The following HSF4 variants were observed in gnomAD, a reference collection of about 807,000 sequenced individuals.
HSF4 encodes heat shock factor protein 4.
In HSF4, 41 loss-of-function variants were observed where a neutral mutation model predicts 52.0. The ratio of observed to expected loss-of-function variants is 0.79; its 90% CI spans 0.61 to 1.02. The LOEUF (loss-of-function observed/expected upper bound fraction) is 1.02, where lower values mean the gene tolerates loss of function less well. HSF4 is among the 50% of genes least tolerant of loss of function. HSF4 has a pLI of 0.00. For missense variants in HSF4, 610 were observed against 651.1 expected, an observed-to-expected ratio of 0.94 and a Z score of 0.69; for synonymous variants, 285 against 273.0, an observed-to-expected ratio of 1.04 and a Z score of -0.43.
rs1457397168 is a variant in HSF4, at chr16:67,169,622, T to C, written c.1325-9T>C. Reference sequence around the variant, plus strand: ...TTTCCCCTGGTGAGCGCAGTCCCACTTCTCCTAGGGAAGGACCCCACGCTC... The same window carrying C: ...TTTCCCCTGGTGAGCGCAGTCCCACCTCTCCTAGGGAAGGACCCCACGCTC... On this transcript the variant is annotated splice_polypyrimidine_tract_variant and intron_variant, in intron 12 of 12. Coordinates refer to ENST00000521374, the MANE Select transcript of HSF4 (RefSeq NM_001374675.1). This position sits in a 1 kb window ranked among gnomAD's most constrained non-coding sequence, Gnocchi z 4.3. 2 of 1,605,522 alleles carry C rather than the reference T, an allele frequency of 1.2e-6. No individual in the cohort carries two copies. Among genetic ancestry groups the C allele is most frequent in the African/African-American group, 2.7e-5 (2 of 74,910 alleles).
In HSF4 at chr16:67,169,548, GA is replaced by G; in HGVS notation, c.1325-81del. The G allele has an allele frequency of 6.3e-7, 1 of 1,598,682 alleles. No individual in the cohort carries two copies. The highest frequency in any genetic ancestry group is 8.5e-7 in the Non-Finnish European group (1 of 1,179,470). On this transcript the variant is annotated intron_variant, in intron 12 of 12. Coordinates refer to ENST00000521374, the MANE Select transcript of HSF4 (RefSeq NM_001374675.1). The surrounding 1 kb of genome is among the most constrained non-coding windows in gnomAD (Gnocchi z 4.3). ...ATGGATGTTTTATCCTAACTGAGCA[GA>G]AGGCAGGCGGGCAGGGCTCTCCTTC...
Position 67,167,989 on chromosome 16 carries a change from C to T in HSF4, c.1082+42C>T, listed in dbSNP as rs368586052. On this transcript the variant is annotated intron_variant, in intron 9 of 12. Transcript: ENST00000521374. ...CTGGCCCATGAGCCCTGTGATAGAA[C>T]AGCCCTTACCAGCCCACAAAGCTTC... is the stretch of plus-strand genomic sequence containing the variant. The T allele has an allele frequency of 2.4e-5, 34 of 1,405,980 alleles. No individual in the cohort carries two copies. The Middle Eastern group carries it at 5.2e-4, about 22-fold the overall frequency. The allele number at this position is 1,405,980 out of a possible 1,614,324, so 87.1% of individuals were successfully genotyped here. A position where few individuals can be genotyped will look rare whatever the true frequency, so the allele number is the denominator to read the frequency against.
chr16:67,169,879 C>A lies in HSF4; in HGVS notation c.*94C>A. 7.3e-7 allele frequency: 1 copy of A among 1,369,948 alleles called. No homozygotes were observed. The highest frequency in any genetic ancestry group is 1.2e-5 in the South Asian group (1 of 86,200). The allele number at this position is 1,369,948 out of a possible 1,614,324, so 84.9% of individuals were successfully genotyped here. On this transcript the variant is annotated 3_prime_UTR_variant, in exon 13 of 13. Transcript: ENST00000521374. This position sits in a 1 kb window ranked among gnomAD's most constrained non-coding sequence, Gnocchi z 4.3. ...CCCTATCGGGGGTGAGCGAAGCCCC[C>A]ACTACTAAATGGCCTCTCTCCACTA... is the stretch of plus-strand genomic sequence containing the variant.
chr16:67,168,147 C>T (rs147280729), intron 9 of HSF4, among the ~76,000 whole-genome samples, 200 bp downstream of exon 9: 15 of 152,320 alleles, frequency 9.8e-5, no homozygotes, highest in African/African-American at 3.1e-4. Context: ...GAAATGAGTT[C>T]CCTGGGGTGA....
At chr16:67,166,429 C>A in intron 5 of HSF4, 34 bp downstream of exon 5, 1 of 1,592,566 alleles carries the variant, frequency 6.3e-7, no homozygotes, top group South Asian at 1.1e-5. Context: ...TTCTCCCTCC[C>A]ACTCCTCGAC....
upstream of HSF4, chr16:67,164,240 G>A (rs2031072942): frequency 2.3e-6 from 1 of 436,800 alleles, no homozygotes; most frequent in Non-Finnish European, 4.4e-6. Context: ...GCGGGGTACC[G>A]GAGGAGCCAT....
rs763080172 is a variant in HSF4 at position 67,168,794 on chromosome 16, T to C, written c.1083-37T>C. The stretch of plus-strand genomic sequence containing the variant: ...GGTTCCTTGGGAACTTAATGCGGGG[T>C]GGACACTGCAGGCCAAAAGCAGTTC... On this transcript the variant is annotated intron_variant, in intron 9 of 12. Transcript: ENST00000521374. 3 of 1,504,410 alleles carry C rather than the reference T, an allele frequency of 2.0e-6. No homozygotes were observed. In the South Asian group the frequency reaches 3.4e-5, roughly 17 times the overall value. The allele number at this position is 1,504,410 out of a possible 1,614,324, so 93.2% of individuals were successfully genotyped here.
intron 9 of HSF4, 92 bp from the exon 10 acceptor site, chr16:67,168,739 G>T (rs2145926553): frequency 1.1e-6 from 1 of 942,548 alleles, no homozygotes; most frequent in South Asian, 1.3e-5. Flanking sequence ...ATTTTCTAAA[G>T]ATTGGGGGAT....
intron 5 of HSF4, 42 bp from the exon 6 acceptor site, chr16:67,166,516 G>A (rs754860432): frequency 7.5e-6 from 12 of 1,609,200 alleles, no homozygotes; most frequent in Admixed American, 1.7e-5. Context: ...GGGTGGGGGG[G>A]CTGTGTCCAA....
Position 67,165,345 on chromosome 16 carries a change from C to A in HSF4, c.124-177C>A, listed in dbSNP as rs1597237515. 5 of 648,328 alleles carry A rather than the reference C, an allele frequency of 7.7e-6. No homozygotes were observed. In the East Asian group the frequency reaches 8.2e-5, roughly 11 times the overall value. 40.2% of individuals were successfully genotyped at this position (648,328 alleles called of 1,614,324 possible). ...AGGGACTCACTGTGGTCGCTCCAGG[C>A]TAGGCCTCGGAGCCCGTTCTGGCCT... On this transcript the variant is annotated intron_variant, in intron 1 of 12. Transcript: ENST00000521374. This position sits in a 1 kb window ranked among gnomAD's most constrained non-coding sequence, Gnocchi z 6.9.
In HSF4 at chr16:67,169,813, AC is replaced by A. The variant is rs756298250; in HGVS notation, c.*30del. On this transcript the variant is annotated 3_prime_UTR_variant, in exon 13 of 13. Transcript: ENST00000521374. This position sits in a 1 kb window ranked among gnomAD's most constrained non-coding sequence, Gnocchi z 4.3. The stretch of plus-strand genomic sequence containing the variant: ...CCCCGCGCCTCTGAAGGGGCTTGGA[AC>A]CAGTCCGCCGCTGCACATCCTTCTT... The A allele has an allele frequency of 2.5e-6, 4 of 1,612,506 alleles. No homozygotes were observed. The highest frequency in any genetic ancestry group is 3.4e-6 in the Non-Finnish European group (4 of 1,179,794).
upstream of HSF4, chr16:67,164,495 G>C (rs1171360941): frequency 1.4e-5 from 8 of 583,028 alleles, no homozygotes; most frequent in South Asian, 9.1e-5. Context: ...GTAGAACAAA[G>C]AAGGAAATAG....
upstream of HSF4, chr16:67,164,026 A>C: frequency 2.7e-6 from 2 of 752,444 alleles, no homozygotes; most frequent in Non-Finnish European, 2.3e-6. Context: ...CAGACGCCCC[A>C]CCCGCTCGGT....
Position 67,166,577 on chromosome 16 carries a change from G to C in HSF4, c.581G>C (p.Gly194Ala). The C allele has an allele frequency of 6.2e-7, 1 of 1,613,828 alleles. No homozygotes were observed. Residue 194 changes from glycine to alanine, a missense_variant, in exon 6 of 13, where the codon GGG becomes GCG. By Grantham distance (60) the Gly-to-Ala change is moderately conservative. Transcript: ENST00000521374. The stretch of plus-strand genomic sequence containing the variant: ...CTTCAGCTGATCCAGTGTCTCTTTG[G>C]GCCACTTCAGGCGGGGCCGAGCAAT... ...VIGKLIQCLF[G>A]PLQAGPSNAG...
Position 67,166,334 on chromosome 16 carries a change from T to G in HSF4, c.500T>G (p.Leu167Trp), listed in dbSNP as rs1276756349. ...LRELRQQNEILWREVVTLRQS... is the reference protein window; with the variant it reads ...LRELRQQNEIWWREVVTLRQS... ...CCCTTCCTCAGGCAGAACGAGATCTTGTGGCGGGAGGTGGTGACACTTCGG... is the reference window on the plus strand; with the variant it reads ...CCCTTCCTCAGGCAGAACGAGATCTGGTGGCGGGAGGTGGTGACACTTCGG... Residue 167 changes from leucine (L) to tryptophan (W), a missense_variant, in exon 5 of 13, where the codon TTG (leucine) becomes TGG (tryptophan). Leu to Trp is a moderately conservative substitution (Grantham distance 61). Transcript: ENST00000521374. 1 of 1,608,904 alleles carries G rather than the reference T, an allele frequency of 6.2e-7. No homozygotes were observed. The highest frequency in any genetic ancestry group is 8.5e-7 in the Non-Finnish European group (1 of 1,177,662).
In HSF4 at chr16:67,165,744, C is replaced by G; in HGVS notation, c.258C>G (p.Ile86Met). Residue 86 changes from isoleucine to methionine, a missense_variant, in exon 3 of 13, where the codon ATC (isoleucine) becomes ATG (methionine). Ile to Met is a conservative substitution (Grantham distance 10). Transcript: ENST00000521374. This position sits in a 1 kb window ranked among gnomAD's most constrained non-coding sequence, Gnocchi z 6.9. Reference sequence around the variant, plus strand: ...ACGGTTTTCGGAAGGTGGTGAGCATCGAGCAGGGCGGCCTGCTTAGGCCGG... The same window carrying G: ...ACGGTTTTCGGAAGGTGGTGAGCATGGAGCAGGGCGGCCTGCTTAGGCCGG... ...NMYGFRKVVS[I>M]EQGGLLRPER... The G allele has an allele frequency of 6.2e-7, 1 of 1,611,684 alleles. No individual in the cohort carries two copies. The highest frequency in any genetic ancestry group is 8.5e-7 in the Non-Finnish European group (1 of 1,179,790).
upstream of HSF4, chr16:67,164,452 C>T (rs1343948331): frequency 2.0e-6 from 1 of 508,680 alleles, no homozygotes; most frequent in African/African-American, 1.9e-5. Context: ...ACTTGCCCAG[C>T]CCACACCAGG....
At position 67,166,330 on chromosome 16, in the gene HSF4, A is replaced by G. The variant is rs1016736139; in HGVS notation, c.496A>G (p.Ile166Val). Reference protein sequence around the residue: ...RLRELRQQNEILWREVVTLRQ... With the variant: ...RLRELRQQNEVLWREVVTLRQ... ...CCACCCCTTCCTCAGGCAGAACGAG[A>G]TCTTGTGGCGGGAGGTGGTGACACT... Residue 166 changes from isoleucine (I) to valine (V), a missense_variant, in exon 5 of 13, where the codon ATC becomes GTC. Ile to Val is a conservative substitution (Grantham distance 29). Transcript: ENST00000521374. 23 of 1,612,486 alleles carry G rather than the reference A, an allele frequency of 1.4e-5. No individual in the cohort carries two copies. Among genetic ancestry groups the G allele is most frequent in the Non-Finnish European group, 1.9e-5 (22 of 1,179,340 alleles).
In HSF4 at chr16:67,169,185, C is replaced by T; in HGVS notation, c.1254+84C>T. ...CATAGCTGTTCTCTGTGAGCCAAAG[C>T]CGTGTCTCTAGAAGAATTGTCACAG... is the stretch of plus-strand genomic sequence containing the variant. On this transcript the variant is annotated intron_variant, in intron 11 of 12. Coordinates refer to ENST00000521374, the MANE Select transcript of HSF4 (RefSeq NM_001374675.1). This position sits in a 1 kb window ranked among gnomAD's most constrained non-coding sequence, Gnocchi z 4.3. 3 of 1,605,540 alleles carry T rather than the reference C, an allele frequency of 1.9e-6. No homozygotes were observed. In the South Asian group the frequency reaches 3.3e-5, roughly 18 times the overall value.
Sources: allele counts gnomAD v4.1 joint callset (sites outside exome capture counted in the v4.1 genomes callset), GRCh38; gene constraint gnomAD v4.1.1; non-coding constraint Gnocchi (gnomAD v3.1); transcripts MANE v1.5; gene names NCBI Gene and HGNC (gene_info 2026-07-23, HGNC 2026-07-21).